The following GPATCH2L variants were observed in gnomAD, a reference collection of about 807,000 sequenced individuals.
The protein encoded by GPATCH2L is G-patch domain containing 2 like.
A neutral mutation model predicts 57.4 loss-of-function variants in GPATCH2L; 31 were observed. The ratio of observed to expected loss-of-function variants is 0.54; its 90% confidence interval spans 0.41 to 0.73. The LOEUF is 0.73. Ranked by LOEUF, GPATCH2L falls within the 30% of genes least tolerant of loss-of-function variation. The probability of loss-of-function intolerance (pLI) is 0.00; values close to 1 mark genes in which losing one functional copy is unlikely to be tolerated. For synonymous variants in GPATCH2L, 199 were observed against 210.7 expected, an observed-to-expected ratio of 0.94 and a Z score of 0.48; for missense variants, 481 against 599.9, an observed-to-expected ratio of 0.80 and a Z score of 2.07.
chr14:76,175,300 A>G (rs892547162), intron 5 of GPATCH2L: 2 of 152,152 alleles, frequency 1.3e-5, no homozygotes, highest in Non-Finnish European at 1.5e-5. Context: ...GATAATATTT[A>G]CTTGTTTAAT....
At chr14:76,158,553 A>T (rs1274358677) in intron 2 of GPATCH2L, among the ~76,000 whole-genome samples, 4 of 152,344 alleles carry the variant, frequency 2.6e-5, no homozygotes, top group African/African-American at 7.2e-5. Flanking sequence ...AACACTCTAT[A>T]GCAGTAGCTT....
chr14:76,185,321 G>T (rs11848148), intron 8 of GPATCH2L, among the ~76,000 whole-genome samples: 1 of 152,056 alleles, frequency 6.6e-6, no homozygotes, highest in East Asian at 1.9e-4. Context: ...TGTGATTGGC[G>T]TTCTGGTAGA....
chr14:76,211,177 T>G lies in GPATCH2L; in HGVS notation c.*9326T>G, dbSNP rs1011018204. The G allele has an allele frequency of 6.6e-6, 1 of 152,188 alleles. No homozygotes were observed. The highest frequency in any genetic ancestry group is 2.4e-5 in the African/African-American group (1 of 41,420). 9.4% of individuals were successfully genotyped at this position (152,188 alleles called of 1,614,324 possible). A position where few individuals can be genotyped will look rare whatever the true frequency, so the allele number is the denominator to read the frequency against. On this transcript the variant is annotated 3_prime_UTR_variant, in exon 10 of 10. Coordinates refer to ENST00000261530, the MANE Select transcript of GPATCH2L (RefSeq NM_017926.4). The stretch of plus-strand genomic sequence containing the variant: ...TGCAAGTGTTTTAGTATGGCCCACA[T>G]GTAAAGCTTACAGAGGAACAAAGAG...
chr14:76,191,765 A>G (rs911184393), intron 8 of GPATCH2L, among the ~76,000 whole-genome samples: 14 of 152,238 alleles, frequency 9.2e-5, no homozygotes, highest in Admixed American at 3.9e-4. Context: ...CTGCTCAAAC[A>G]TTTATCATTT....
chr14:76,194,485 G>GTA (rs2040082923), intron 8 of GPATCH2L, among the ~76,000 whole-genome samples: 1 of 3,574 alleles, frequency 2.8e-4, no homozygotes, highest in South Asian at 0.014. Context: ...AGACATGAAA[G>GTA]TGTGTGTGTG....
intron 2 of GPATCH2L, among the ~76,000 whole-genome samples, chr14:76,163,814 C>G (rs1310523928): frequency 6.6e-6 from 1 of 152,190 alleles, no homozygotes; most frequent in Non-Finnish European, 1.5e-5. Context: ...GGGCAGGCAA[C>G]AGAGGTGTCT....
chr14:76,164,851 A>T (rs1354559475), intron 2 of GPATCH2L, among the ~76,000 whole-genome samples: 1 of 152,216 alleles, frequency 6.6e-6, no homozygotes, highest in Non-Finnish European at 1.5e-5. Context: ...GATTCCTATG[A>T]TAATATACTT....
chr14:76,230,852 A>G (rs1176838380), intron 2 of GPATCH2L, among the ~76,000 whole-genome samples: 1 of 152,304 alleles, frequency 6.6e-6, no homozygotes, highest in South Asian at 2.1e-4. Context: ...TCTTACCAAC[A>G]TTTGTATTAC....
At chr14:76,197,692 G>T (rs1474816167) in intron 9 of GPATCH2L, among the ~76,000 whole-genome samples, 1 of 152,152 alleles carries the variant, frequency 6.6e-6, no homozygotes, top group African/African-American at 2.4e-5. Context: ...AGAGAGGTGG[G>T]TTCCGCTTTG....
intron 6 of GPATCH2L, among the ~76,000 whole-genome samples, 190 bp downstream of exon 6, chr14:76,176,880 A>T (rs1203668421): frequency 6.6e-6 from 1 of 152,152 alleles, no homozygotes; most frequent in East Asian, 1.9e-4. Flanking sequence ...TTTCTAGACT[A>T]GTTTCACTGT....
intron 2 of GPATCH2L, among the ~76,000 whole-genome samples, chr14:76,162,125 G>A (rs1379998496): frequency 1.7e-5 from 1 of 59,638 alleles, no homozygotes; most frequent in Non-Finnish European, 5.0e-5. Context: ...GGATGGTTCT[G>A]GTTCAGTCTT....
chr14:76,233,791 G>GT (rs1196137559), intron 2 of GPATCH2L, among the ~76,000 whole-genome samples: 8 of 152,060 alleles, frequency 5.3e-5, no homozygotes, highest in African/African-American at 1.7e-4. Context: ...AAATAATAGG[G>GT]TTTTTTTACA....
chr14:76,206,315 C>G lies in GPATCH2L; in HGVS notation c.*4464C>G, dbSNP rs1331565298. The G allele has an allele frequency of 1.3e-5, 2 of 152,104 alleles. No homozygotes were observed. Among genetic ancestry groups the G allele is most frequent in the African/African-American group, 4.8e-5 (2 of 41,376 alleles). The allele number at this position is 152,104 out of a possible 1,614,324, so 9.4% of individuals were successfully genotyped here. ...GATGCTTTCTCCTGTGTTAACGTCT[C>G]CAAAAGATGAACATCAAATGCCCGG... is the stretch of plus-strand genomic sequence containing the variant. On this transcript the variant is annotated 3_prime_UTR_variant, in exon 10 of 10. Transcript: ENST00000261530.
chr14:76,219,794 A>T lies in GPATCH2L; in HGVS notation c.66-10014A>T, dbSNP rs138198778. On this transcript the variant is annotated intron_variant and NMD_transcript_variant, in intron 1 of 3. Transcript: ENST00000556372. ...TTCTGAAAGAAAGTCATTGGAGGGG[A>T]TAGTGTCTTTTGGGAGCTGGCAAGT... Among the ~76,000 whole-genome samples the T allele has an allele frequency of 2.5e-4, 38 of 152,176 alleles. No homozygotes were observed. In the East Asian group the frequency reaches 6.0e-3, roughly 24 times the overall value.
At chr14:76,183,851 C>A (rs1440999672) in intron 8 of GPATCH2L, among the ~76,000 whole-genome samples, 1 of 152,082 alleles carries the variant, frequency 6.6e-6, no homozygotes, top group Non-Finnish European at 1.5e-5. Flanking sequence ...AGCCTGGCAC[C>A]AAGGAGGAGT....
At chr14:76,221,908 T>G (rs1190302253) in intron 1 of GPATCH2L, among the ~76,000 whole-genome samples, 2 of 152,234 alleles carry the variant, frequency 1.3e-5, no homozygotes, top group Non-Finnish European at 2.9e-5. Context: ...AATGCCATTA[T>G]ACATTTATCA....
intron 8 of GPATCH2L, among the ~76,000 whole-genome samples, chr14:76,195,652 T>A (rs529445733): frequency 2.6e-5 from 4 of 152,340 alleles, no homozygotes; most frequent in African/African-American, 7.2e-5. Flanking sequence ...ATCTTGAATG[T>A]CTGCTACACT....
At position 76,205,319 on chromosome 14, in the gene GPATCH2L, T is replaced by C. The variant is rs1876480434; in HGVS notation, c.*3468T>C. 6.6e-6 allele frequency: 1 copy of C among 152,214 alleles called. No homozygotes were observed. Among genetic ancestry groups the C allele is most frequent in the Admixed American group, 6.5e-5 (1 of 15,280 alleles). 9.4% of individuals were successfully genotyped at this position (152,214 alleles called of 1,614,324 possible). On this transcript the variant is annotated 3_prime_UTR_variant, in exon 10 of 10. Coordinates refer to ENST00000261530, the MANE Select transcript of GPATCH2L (RefSeq NM_017926.4). Reference sequence around the variant, plus strand: ...AATAAAAAGAAATTAGTAGCTTGTTTACCTGGTACCAGATTTGGAGGGGGC... The same window carrying C: ...AATAAAAAGAAATTAGTAGCTTGTTCACCTGGTACCAGATTTGGAGGGGGC...
In GPATCH2L at chr14:76,201,793, A is replaced by G. The variant is rs1290384945; in HGVS notation, c.1391A>G (p.Asp464Gly). The G allele has an allele frequency of 1.2e-6, 2 of 1,614,140 alleles. No homozygotes were observed. Among genetic ancestry groups the G allele is most frequent in the Non-Finnish European group, 1.7e-6 (2 of 1,179,988 alleles). ...VRTSAAEKAT[D>G]ATTATFFKMP... is the part of the protein sequence containing the mutation. Reference sequence around the variant, plus strand: ...ACCTCTGCAGCAGAGAAAGCCACAGACGCAACTACTGCTACATTTTTTAAA... The same window carrying G: ...ACCTCTGCAGCAGAGAAAGCCACAGGCGCAACTACTGCTACATTTTTTAAA... Residue 464 changes from aspartate (D) to glycine (G), a missense_variant, in exon 10 of 10, where the codon GAC becomes GGC. Asp to Gly is a moderately conservative substitution (Grantham distance 94). Coordinates refer to ENST00000261530, the MANE Select transcript of GPATCH2L (RefSeq NM_017926.4).
Sources: gnomAD v4.1 joint callset for allele counts (sites outside exome capture counted in the v4.1 genomes callset) on GRCh38, gnomAD v4.1.1 for gene constraint, MANE v1.5 for transcripts, NCBI Gene and HGNC (gene_info 2026-07-23, HGNC 2026-07-21) for gene names.